Variants in NTM observed in about 807,000 individuals in gnomAD.
The protein encoded by NTM is neurotrimin.
Under a neutral mutation model 42.1 loss-of-function variants are expected in NTM, and 13 were observed. That is an observed-to-expected ratio of 0.31 (90% CI 0.20 to 0.49). NTM has a LOEUF of 0.49. NTM is among the 20% of genes least tolerant of loss of function. The probability of loss-of-function intolerance (pLI) is 0.99; values close to 1 mark genes in which losing one functional copy is unlikely to be tolerated. For missense variants in NTM, 373 were observed against 452.8 expected (o/e 0.82, Z 1.60); for synonymous variants, 187 against 179.2 (o/e 1.04, Z -0.35).
rs1255229277 is a variant in NTM at position 132,016,548 on chromosome 11, CTAGACATTTAAA to C, written c.167+104904_167+104915del. On this transcript the variant is annotated intron_variant, in intron 2 of 8. Transcript: ENST00000683400. ...ATTTTGTTTATTAATTCACTAGTTG[CTAGACATTTAAA>C]TAGCTTCCAGATCTGAGTTATTATG... 1.4e-4 allele frequency among the ~76,000 whole-genome samples: 21 copies of C among 151,934 alleles called. 1 individual carries two copies. Among genetic ancestry groups the C allele is most frequent in the African/African-American group, 5.1e-4 (21 of 41,476 alleles).
chr11:131,692,313 A>G (rs1005017586), intron 1 of NTM, among the ~76,000 whole-genome samples: 22 of 152,054 alleles, frequency 1.4e-4, no homozygotes, highest in African/African-American at 5.3e-4. Context: ...CCTATCTCCC[A>G]TGCAGATCTC....
At chr11:132,137,849 C>T (rs1465614520) in intron 2 of NTM, among the ~76,000 whole-genome samples, 3 of 152,182 alleles carry the variant, frequency 2.0e-5, no homozygotes, top group East Asian at 3.9e-4. Context: ...AGCCTGTCCA[C>T]GCGATCCGTG....
intron 2 of NTM, among the ~76,000 whole-genome samples, chr11:132,021,899 G>A (rs144313650): frequency 2.6e-5 from 4 of 152,168 alleles, no homozygotes; most frequent in African/African-American, 9.7e-5. Context: ...TCCAGCTTCA[G>A]TGTCAACTAA....
intron 1 of NTM, among the ~76,000 whole-genome samples, chr11:131,846,137 T>C (rs1185304334): frequency 6.6e-6 from 1 of 152,206 alleles, no homozygotes; most frequent in Non-Finnish European, 1.5e-5. Flanking sequence ...ATTTTCTTGT[T>C]TTCAAATTTA....
chr11:132,009,559 G>T (rs1211504649), intron 2 of NTM, among the ~76,000 whole-genome samples: 1 of 152,186 alleles, frequency 6.6e-6, no homozygotes. Flanking sequence ...GAGGCTTTCT[G>T]ACAGTCCTGA....
At chr11:131,770,181 G>C (rs1339655314) in intron 1 of NTM, among the ~76,000 whole-genome samples, 1 of 152,202 alleles carries the variant, frequency 6.6e-6, no homozygotes, top group Non-Finnish European at 1.5e-5. Flanking sequence ...CAGCTAACCA[G>C]GTAGCAGGAT....
chr11:131,395,810 C>G (rs1182068851), intron 1 of NTM, among the ~76,000 whole-genome samples: 1 of 152,148 alleles, frequency 6.6e-6, no homozygotes, highest in Non-Finnish European at 1.5e-5. Flanking sequence ...CTCCTCTGAC[C>G]CCTGTCCCTG....
chr11:132,200,974 G>A (rs2081070804), intron 3 of NTM, among the ~76,000 whole-genome samples: 1 of 152,190 alleles, frequency 6.6e-6, no homozygotes, highest in Non-Finnish European at 1.5e-5. Context: ...GTAGAGTAAT[G>A]GCACAGACTA....
intron 1 of NTM, among the ~76,000 whole-genome samples, chr11:131,730,594 C>T: frequency 6.6e-6 from 1 of 152,136 alleles, no homozygotes; most frequent in Admixed American, 6.5e-5. Context: ...CGATGCTTGC[C>T]TGTAGTCCCA....
intron 1 of NTM, among the ~76,000 whole-genome samples, chr11:131,742,629 G>A (rs2081330233): frequency 6.6e-6 from 1 of 152,082 alleles, no homozygotes; most frequent in Admixed American, 6.5e-5. Flanking sequence ...AATATGTTGT[G>A]AGTTATTTGT....
At chr11:131,454,996 A>G (rs1028457006) in intron 1 of NTM, among the ~76,000 whole-genome samples, 9 of 152,200 alleles carry the variant, frequency 5.9e-5, no homozygotes, top group African/African-American at 2.2e-4. Context: ...ATTTTTAATC[A>G]GTCTGTCATC....
intron 1 of NTM, among the ~76,000 whole-genome samples, chr11:131,403,516 C>G (rs577036332): frequency 7.9e-4 from 120 of 152,146 alleles, no homozygotes; most frequent in South Asian, 3.7e-3. Flanking sequence ...AAGAAAGAAA[C>G]AAACAAACAA....
At chr11:132,126,213 C>T (rs1234441737) in intron 2 of NTM, among the ~76,000 whole-genome samples, 2 of 152,150 alleles carry the variant, frequency 1.3e-5, no homozygotes, top group East Asian at 1.9e-4. Context: ...GAAATTGTCA[C>T]ACAAGAACGC....
intron 7 of NTM, among the ~76,000 whole-genome samples, chr11:132,329,948 C>T (rs2136426599): frequency 6.6e-6 from 1 of 152,330 alleles, no homozygotes; most frequent in Middle Eastern, 3.4e-3. Context: ...CTTGAGGCAA[C>T]TGGCTGCCCA....
intron 2 of NTM, among the ~76,000 whole-genome samples, chr11:132,048,698 C>T (rs2078375304): frequency 6.6e-6 from 1 of 152,158 alleles, no homozygotes; most frequent in Non-Finnish European, 1.5e-5. Context: ...TCTCAGCATT[C>T]TCATTCTGAC....
intron 1 of NTM, among the ~76,000 whole-genome samples, chr11:131,483,777 T>C (rs1040716691): frequency 2.6e-5 from 4 of 152,238 alleles, no homozygotes; most frequent in African/African-American, 7.2e-5. Flanking sequence ...GGCTCTTTCT[T>C]TGGACCCAAC....
At chr11:131,581,798 T>C (rs950228486) in intron 1 of NTM, among the ~76,000 whole-genome samples, 1 of 152,134 alleles carries the variant, frequency 6.6e-6, no homozygotes, top group Non-Finnish European at 1.5e-5. Flanking sequence ...GATTTCCGAC[T>C]TCACTTATGA....
chr11:131,689,469 G>C (rs2074376500), intron 1 of NTM, among the ~76,000 whole-genome samples: 1 of 152,224 alleles, frequency 6.6e-6, no homozygotes, highest in African/African-American at 2.4e-5. Context: ...AACTTTCAGG[G>C]GTTTAATTCA....
intron 1 of NTM, among the ~76,000 whole-genome samples, chr11:131,734,490 G>C (rs1314484711): frequency 6.6e-6 from 1 of 152,264 alleles, no homozygotes; most frequent in African/African-American, 2.4e-5. Context: ...TTAGCAGTGT[G>C]CTAGGTAGAG....
Sources: gnomAD v4.1 joint callset for allele counts (sites outside exome capture counted in the v4.1 genomes callset) on GRCh38, gnomAD v4.1.1 for gene constraint, MANE v1.5 for transcripts, NCBI Gene and HGNC (gene_info 2026-07-23, HGNC 2026-07-21) for gene names.